Variants in ANO4 observed in about 807,000 individuals in gnomAD.
ANO4 encodes the protein anoctamin-4.
In ANO4, 69 loss-of-function variants were observed where a neutral mutation model predicts 141.9. The observed-to-expected ratio is 0.49, with a 90% CI of 0.40 to 0.59. The LOEUF (loss-of-function observed/expected upper bound fraction) is 0.59, where lower values mean the gene tolerates loss of function less well. ANO4 is among the 20% of genes least tolerant of loss of function. The pLI is 0.00. For missense variants in ANO4, 894 were observed against 1,162.2 expected (o/e 0.77, Z 3.36); for synonymous variants, 350 against 394.3 (o/e 0.89, Z 1.33).
chr12:100,906,543 G>A (rs2040853464), intron 2 of ANO4, among the ~76,000 whole-genome samples: 2 of 152,084 alleles, frequency 1.3e-5, no homozygotes, highest in Non-Finnish European at 2.9e-5. Flanking sequence ...CAAAACAAGG[G>A]ACTATAAAGG....
At chr12:100,776,612 T>A (rs2033513301) in intron 3 of ANO4, among the ~76,000 whole-genome samples, 1 of 152,216 alleles carries the variant, frequency 6.6e-6, no homozygotes, top group South Asian at 2.1e-4. Flanking sequence ...TGCTTGAATT[T>A]GCCATAAAAA....
At chr12:100,845,925 A>G (rs2037534835) in intron 1 of ANO4, among the ~76,000 whole-genome samples, 1 of 152,220 alleles carries the variant, frequency 6.6e-6, no homozygotes, top group African/African-American at 2.4e-5. Flanking sequence ...ATGGAAGGAA[A>G]GAACCTAGGA....
intron 1 of ANO4, among the ~76,000 whole-genome samples, chr12:100,835,041 A>T (rs1235643743): frequency 4.6e-5 from 7 of 152,136 alleles, no homozygotes; most frequent in Non-Finnish European, 8.8e-5. Flanking sequence ...CATGAACAAG[A>T]TGTGGCCTCT....
intron 1 of ANO4, among the ~76,000 whole-genome samples, chr12:100,877,561 A>G (rs1593605446): frequency 1.3e-5 from 2 of 149,334 alleles, no homozygotes; most frequent in South Asian, 2.1e-4. Context: ...AGGTGGTGGG[A>G]GGAGTCATGA....
At chr12:101,031,574 C>CAGGACAA (rs2046977133) in intron 9 of ANO4, among the ~76,000 whole-genome samples, 1 of 152,148 alleles carries the variant, frequency 6.6e-6, no homozygotes, top group African/African-American at 2.4e-5. Flanking sequence ...ATTGGAAGTT[C>CAGGACAA]TGGCCAGGAC....
chr12:100,993,987 T>C (rs2045258501), intron 8 of ANO4, among the ~76,000 whole-genome samples: 1 of 152,230 alleles, frequency 6.6e-6, no homozygotes, highest in Admixed American at 6.5e-5. Context: ...TGGGGCTGAA[T>C]AACTCCTTGT....
At chr12:100,821,226 C>T (rs568715700) in intron 1 of ANO4, among the ~76,000 whole-genome samples, 1 of 152,130 alleles carries the variant, frequency 6.6e-6, no homozygotes, top group East Asian at 1.9e-4. Context: ...GTAATCAAAA[C>T]TTAGTAGTAA....
intron 1 of ANO4, among the ~76,000 whole-genome samples, chr12:100,733,569 T>C (rs560870204): frequency 8.5e-5 from 13 of 152,280 alleles, no homozygotes; most frequent in Admixed American, 5.9e-4. Context: ...TCTGGGTTGT[T>C]TATTGATATG....
At position 100,905,637 on chromosome 12, in the gene ANO4, A is replaced by G. The variant is rs527770692; in HGVS notation, c.55+3797A>G. Among the ~76,000 whole-genome samples, 11 of 152,284 alleles carry G rather than the reference A, an allele frequency of 7.2e-5. No homozygotes were observed. The East Asian group carries it at 2.1e-3, about 29-fold the overall frequency. ...AGGGAGATGAGAGGATATAAATTAG[A>G]TGCTCTGAATATGGGCAACTTTTTT... On this transcript the variant is annotated intron_variant, in intron 2 of 27. Transcript: ENST00000392977.
chr12:100,986,571 C>A (rs1171443557), intron 7 of ANO4, among the ~76,000 whole-genome samples: 1 of 152,116 alleles, frequency 6.6e-6, no homozygotes, highest in Non-Finnish European at 1.5e-5. Context: ...GTAAATTAGC[C>A]ATAACATTCA....
At chr12:101,066,997 C>CAAAAAAAA (rs34416390) in intron 14 of ANO4, 25 of 181,526 alleles carry the variant, frequency 1.4e-4, no homozygotes, top group South Asian at 3.0e-4. Flanking sequence ...TAAAGTATAA[C>CAAAAAAAA]AAAAAAAAAA....
At chr12:100,906,923 G>T (rs1030696288) in intron 2 of ANO4, among the ~76,000 whole-genome samples, 51 of 152,198 alleles carry the variant, frequency 3.4e-4, no homozygotes, top group African/African-American at 1.2e-3. Flanking sequence ...CCACTGGGAA[G>T]ATCCAGGTTT....
intron 1 of ANO4, among the ~76,000 whole-genome samples, chr12:100,898,233 G>A (rs1488089234): frequency 2.0e-5 from 3 of 152,122 alleles, no homozygotes; most frequent in Non-Finnish European, 4.4e-5. Flanking sequence ...AGAACAAATT[G>A]GATGATGTAA....
At chr12:101,064,680 T>TAAC (rs2048502481) in intron 14 of ANO4, among the ~76,000 whole-genome samples, 1 of 150,116 alleles carries the variant, frequency 6.7e-6, no homozygotes, top group Admixed American at 6.7e-5. Context: ...ATAATAATAA[T>TAAC]AATAATAATA....
chr12:100,862,361 G>T (rs935078635), intron 1 of ANO4, among the ~76,000 whole-genome samples: 4 of 152,048 alleles, frequency 2.6e-5, no homozygotes, highest in Non-Finnish European at 4.4e-5. Flanking sequence ...TTGCTTTGTT[G>T]CCCAGGCTGG....
chr12:101,078,025 T>C (rs2049095001), intron 14 of ANO4, among the ~76,000 whole-genome samples: 1 of 152,198 alleles, frequency 6.6e-6, no homozygotes, highest in Admixed American at 6.5e-5. Context: ...TCTATCACTC[T>C]AGACTGTCTT....
intron 2 of ANO4, among the ~76,000 whole-genome samples, chr12:100,917,845 CTGTT>C (rs1433267347): frequency 2.6e-5 from 4 of 152,056 alleles, no homozygotes; most frequent in African/African-American, 9.7e-5. Context: ...CATTTTGAAG[CTGTT>C]TGGTTTATAC....
chr12:100,904,168 A>T (rs974588429), intron 2 of ANO4, among the ~76,000 whole-genome samples: 1 of 152,206 alleles, frequency 6.6e-6, no homozygotes, highest in Non-Finnish European at 1.5e-5. Flanking sequence ...TGTGTTTTAG[A>T]CTACTACAAT....
chr12:101,069,184 G>T (rs186180987), intron 14 of ANO4: 25 of 1,273,922 alleles, frequency 2.0e-5, no homozygotes, highest in Admixed American at 5.1e-5. Context: ...AACATGCGAG[G>T]AACAGTGTCT....
Sources: allele counts gnomAD v4.1 joint callset (sites outside exome capture counted in the v4.1 genomes callset), GRCh38; gene constraint gnomAD v4.1.1; transcripts MANE v1.5; gene names NCBI Gene and HGNC (gene_info 2026-07-23, HGNC 2026-07-21).